The following DPP10 variants were observed in gnomAD, a reference collection of about 807,000 sequenced individuals.
DPP10 encodes dipeptidyl peptidase like 10.
In DPP10, 33 loss-of-function variants were observed where a neutral mutation model predicts 120.9. The ratio of observed to expected loss-of-function variants is 0.27; its 90% CI spans 0.21 to 0.37. The LOEUF is 0.37. Among genes scored for constraint, DPP10 ranks in the 10% least tolerant of loss-of-function variants. The pLI is 1.00. For missense variants in DPP10, 816 were observed against 942.8 expected, an observed-to-expected ratio of 0.87 and a Z score of 1.76; for synonymous variants, 337 against 326.1, an observed-to-expected ratio of 1.03 and a Z score of -0.36.
At chr2:115,441,035 A>G (rs1171320806) in intron 3 of DPP10, 2 of 152,160 alleles carry the variant, frequency 1.3e-5, no homozygotes, top group Admixed American at 6.6e-5. Flanking sequence ...AGCTAGAGAG[A>G]GTCTTATTTA....
chr2:114,943,146 G>A (rs527332409), intron 1 of DPP10, among the ~76,000 whole-genome samples: 22 of 152,166 alleles, frequency 1.4e-4, no homozygotes, highest in Admixed American at 2.6e-4. Context: ...GAGAACATGC[G>A]GTGTTTGGTT....
In DPP10 at chr2:115,798,897, A is replaced by G. The variant is rs1296173914; in HGVS notation, c.1700+7541A>G. Among the ~76,000 whole-genome samples, 62 of 151,950 alleles carry G rather than the reference A, an allele frequency of 4.1e-4. 1 individual carries two copies. Among genetic ancestry groups the G allele is most frequent in the Admixed American group, 4.1e-3 (62 of 15,224 alleles). Reference sequence around the variant, plus strand: ...CATGCCATTTTAATCAAAATTATAAACCTGATCTAGCTGTAGCCTTCTTCA... The same window carrying G: ...CATGCCATTTTAATCAAAATTATAAGCCTGATCTAGCTGTAGCCTTCTTCA... On this transcript the variant is annotated intron_variant, in intron 19 of 25. Coordinates refer to ENST00000410059, the MANE Select transcript of DPP10 (RefSeq NM_020868.6).
chr2:115,693,149 A>G (rs959917050), intron 7 of DPP10, among the ~76,000 whole-genome samples: 3 of 152,228 alleles, frequency 2.0e-5, no homozygotes, highest in Non-Finnish European at 4.4e-5. Flanking sequence ...AGATATTTAG[A>G]TAAATTAACA....
rs149716258 is a variant in DPP10, at chr2:114,836,071, T to C, written c.60+393233T>C. ...GATTCTTTGCTCTTACCTGGTGCTCTTTCACCCCACCCCTAACTTTCTCCT... is the reference window on the plus strand; with the variant it reads ...GATTCTTTGCTCTTACCTGGTGCTCCTTCACCCCACCCCTAACTTTCTCCT... On this transcript the variant is annotated intron_variant, in intron 1 of 25. Coordinates refer to ENST00000410059, the MANE Select transcript of DPP10 (RefSeq NM_020868.6). Among the ~76,000 whole-genome samples, 1,180 of 152,238 alleles carry C rather than the reference T, an allele frequency of 7.8e-3. 12 individuals carry two copies. The highest frequency in any genetic ancestry group is 0.027 in the African/African-American group (1,129 of 41,534).
At chr2:115,659,888 T>TTAA (rs2088765480) in intron 5 of DPP10, among the ~76,000 whole-genome samples, 1 of 152,206 alleles carries the variant, frequency 6.6e-6, no homozygotes, top group African/African-American at 2.4e-5. Flanking sequence ...TGAGTCATTT[T>TTAA]TAAAATTTAT....
intron 1 of DPP10, among the ~76,000 whole-genome samples, chr2:114,631,786 A>T (rs959303759): frequency 2.6e-4 from 39 of 152,200 alleles, no homozygotes; most frequent in African/African-American, 8.9e-4. Context: ...TCAATTATCA[A>T]TAATTTCCAA....
intron 1 of DPP10, among the ~76,000 whole-genome samples, chr2:114,684,824 G>C (rs1401066058): frequency 6.6e-6 from 1 of 151,980 alleles, no homozygotes; most frequent in African/African-American, 2.4e-5. Flanking sequence ...TTCGATTCAT[G>C]TGCGTAGGTC....
intron 1 of DPP10, among the ~76,000 whole-genome samples, chr2:114,662,649 C>T (rs112911236): frequency 3.9e-5 from 6 of 152,298 alleles, no homozygotes; most frequent in African/African-American, 1.4e-4. Context: ...GGAGAGAGCA[C>T]CCCAGGAGCT....
chr2:114,820,604 T>C (rs7570960), intron 1 of DPP10, among the ~76,000 whole-genome samples: 18,433 of 152,174 alleles, frequency 0.12, 1,150 homozygotes, highest in African/African-American at 0.15. Flanking sequence ...TTAAAAATCC[T>C]GTTGGAAGGC....
chr2:114,961,327 T>C (rs892005284), intron 1 of DPP10, among the ~76,000 whole-genome samples: 1 of 152,130 alleles, frequency 6.6e-6, no homozygotes, highest in Non-Finnish European at 1.5e-5. Flanking sequence ...GTGCTGAGAT[T>C]AAAGGCATGA....
chr2:114,937,298 C>T (rs1696559377), intron 1 of DPP10, among the ~76,000 whole-genome samples: 2 of 152,120 alleles, frequency 1.3e-5, no homozygotes, highest in Admixed American at 1.3e-4. Context: ...TTTCGTTCTC[C>T]TACATGTGAC....
At chr2:115,101,947 C>A (rs1406023755) in intron 1 of DPP10, among the ~76,000 whole-genome samples, 1 of 152,208 alleles carries the variant, frequency 6.6e-6, no homozygotes, top group African/African-American at 2.4e-5. Context: ...GTCCAGATTT[C>A]TTCTGACTAA....
intron 1 of DPP10, among the ~76,000 whole-genome samples, chr2:114,693,908 T>C (rs560709724): frequency 6.6e-6 from 1 of 152,088 alleles, no homozygotes; most frequent in South Asian, 2.1e-4. Flanking sequence ...TAAAGGGATG[T>C]ACCACACTGT....
chr2:115,659,970 TTA>T (rs2088776636), intron 5 of DPP10, among the ~76,000 whole-genome samples: 1 of 152,204 alleles, frequency 6.6e-6, no homozygotes, highest in Non-Finnish European at 1.5e-5. Context: ...GGATTAATCA[TTA>T]TGTCATCTAA....
chr2:115,308,733 T>A (rs2061463603), intron 1 of DPP10, among the ~76,000 whole-genome samples: 1 of 150,116 alleles, frequency 6.7e-6, no homozygotes, highest in Non-Finnish European at 1.5e-5. Flanking sequence ...GTGGGAGAAC[T>A]GTTTAAAAAA....
chr2:114,733,299 A>G (rs757623476), intron 1 of DPP10, among the ~76,000 whole-genome samples: 1 of 152,036 alleles, frequency 6.6e-6, no homozygotes, highest in Non-Finnish European at 1.5e-5. Context: ...TGCAGACACC[A>G]TGCTACTCCA....
chr2:115,381,827 C>G lies in DPP10; in HGVS notation c.271+37915C>G, dbSNP rs532285221. ...GTACCCGGCCCTGTGAAGTGTCAGT[C>G]TGCCCCTGCTGGGGGGTGCCTCCCA... is the stretch of plus-strand genomic sequence containing the variant. On this transcript the variant is annotated intron_variant, in intron 3 of 25. Transcript: ENST00000410059. Among the ~76,000 whole-genome samples the G allele has an allele frequency of 8.3e-4, 126 of 151,580 alleles. 2 individuals carry two copies. The East Asian group carries it at 0.023, about 27-fold the overall frequency.
intron 1 of DPP10, among the ~76,000 whole-genome samples, chr2:114,598,851 T>A (rs1035484140): frequency 2.0e-5 from 3 of 151,796 alleles, no homozygotes; most frequent in Non-Finnish European, 4.4e-5. Flanking sequence ...ATAAACACTG[T>A]TGGTATAATT....
At chr2:114,794,663 A>G (rs1683543318) in intron 1 of DPP10, among the ~76,000 whole-genome samples, 1 of 152,220 alleles carries the variant, frequency 6.6e-6, no homozygotes. Context: ...ATACTTGAGC[A>G]AAAATTATGA....
Sources: gnomAD v4.1 joint callset for allele counts (sites outside exome capture counted in the v4.1 genomes callset) on GRCh38, gnomAD v4.1.1 for gene constraint, MANE v1.5 for transcripts, NCBI Gene and HGNC (gene_info 2026-07-23, HGNC 2026-07-21) for gene names.